PHACTR1: variants seen among roughly 807,000 people sequenced by gnomAD.
PHACTR1 encodes RPEL repeat containing 1.
Under a neutral mutation model 69.2 loss-of-function variants are expected in PHACTR1, and 16 were observed. That is an observed-to-expected ratio of 0.23 (90% CI 0.16 to 0.35). The LOEUF (loss-of-function observed/expected upper bound fraction) is 0.35. PHACTR1 is among the 10% of genes least tolerant of loss of function. PHACTR1 has a pLI of 1.00. For synonymous variants in PHACTR1, 312 were observed against 284.5 expected, an observed-to-expected ratio of 1.10 and a Z score of -0.97; for missense variants, 510 against 734.7, an observed-to-expected ratio of 0.69 and a Z score of 3.54.
intron 13 of PHACTR1, among the ~76,000 whole-genome samples, chr6:13,284,543 A>ATATAT (rs1307782343): frequency 4.9e-5 from 3 of 61,362 alleles, no homozygotes; most frequent in African/African-American, 1.1e-4. Context: ...AAAAAAAAAA[A>ATATAT]ATATATATAT....
At chr6:13,120,031 C>T (rs563881571) in intron 5 of PHACTR1, among the ~76,000 whole-genome samples, 6 of 152,262 alleles carry the variant, frequency 3.9e-5, no homozygotes, top group African/African-American at 1.4e-4. Context: ...GGTGAAGGGG[C>T]CCATGGACAC....
chr6:12,773,474 C>T (rs373514171), intron 4 of PHACTR1, among the ~76,000 whole-genome samples: 2 of 152,132 alleles, frequency 1.3e-5, no homozygotes, highest in South Asian at 2.1e-4. Context: ...AACAATGTAT[C>T]GCTTCCCTGA....
intron 4 of PHACTR1, among the ~76,000 whole-genome samples, chr6:12,961,560 A>G (rs1681955168): frequency 6.6e-6 from 1 of 152,238 alleles, no homozygotes; most frequent in Non-Finnish European, 1.5e-5. Flanking sequence ...AACCTAAAGT[A>G]CAAACTTGTG....
intron 4 of PHACTR1, among the ~76,000 whole-genome samples, chr6:13,008,915 C>G (rs535755227): frequency 3.3e-5 from 5 of 152,276 alleles, no homozygotes; most frequent in Middle Eastern, 3.4e-3. Context: ...CTTAAAACAA[C>G]AGATATTTAT....
At chr6:13,127,858 C>G (rs763350696) in intron 5 of PHACTR1, among the ~76,000 whole-genome samples, 1 of 151,974 alleles carries the variant, frequency 6.6e-6, no homozygotes, top group Non-Finnish European at 1.5e-5. Context: ...TCCATTCTCA[C>G]GCAGCTATAA....
chr6:12,802,905 A>C (rs1773879698), intron 4 of PHACTR1, among the ~76,000 whole-genome samples: 1 of 152,336 alleles, frequency 6.6e-6, no homozygotes, highest in African/African-American at 2.4e-5. Flanking sequence ...CCATTTTAAA[A>C]GAAAATCAAT....
At chr6:13,231,258 GAA>G (rs1771065238) in intron 10 of PHACTR1, among the ~76,000 whole-genome samples, 1 of 126,864 alleles carries the variant, frequency 7.9e-6, no homozygotes, top group Admixed American at 8.0e-5. Context: ...GAAAGAGAAA[GAA>G]AGAAGGAAAG....
intron 4 of PHACTR1, among the ~76,000 whole-genome samples, chr6:12,982,646 C>T (rs1795664171): frequency 6.6e-6 from 1 of 152,176 alleles, no homozygotes; most frequent in South Asian, 2.1e-4. Flanking sequence ...GAGCAAGACT[C>T]CATCTCAAAA....
rs1322942031 is a variant in PHACTR1 at position 13,206,001 on chromosome 6, A to G, written c.851A>G (p.Gln284Arg). Residue 284 changes from glutamine to arginine, a missense_variant, in exon 8 of 15, where the codon CAG (glutamine) becomes CGG (arginine). This residue lies in a region of PHACTR1 where 419 missense variants were observed against 530.9 expected (regional missense o/e 0.79). Transcript: ENST00000332995. ...CACACTGTCCTGCCCTCCCAGATCC[A>G]GCACCAGCTGCAGTACGGCAGCCAC... ...HHHTVLPSQI[Q>R]HQLQYGSHGQ... 6.2e-7 allele frequency: 1 copy of G among 1,613,988 alleles called. No individual in the cohort carries two copies. The highest frequency in any genetic ancestry group is 8.5e-7 in the Non-Finnish European group (1 of 1,179,880).
At chr6:12,754,128 A>ATTTTTTTT in intron 4 of PHACTR1, among the ~76,000 whole-genome samples, 1 of 112,426 alleles carries the variant, frequency 8.9e-6, no homozygotes, top group Non-Finnish European at 1.8e-5. Flanking sequence ...ACGCCTGGCT[A>ATTTTTTTT]TTTTTTTTTT....
intron 5 of PHACTR1, among the ~76,000 whole-genome samples, chr6:13,159,255 C>A (rs912059011): frequency 5.9e-5 from 9 of 152,216 alleles, no homozygotes; most frequent in African/African-American, 2.2e-4. Context: ...TTTGGCTGTT[C>A]CAGCTTGGAG....
Position 13,287,043 on chromosome 6 carries a change from G to A in PHACTR1, c.1728-20G>A, listed in dbSNP as rs760070047. 1 of 1,607,094 alleles carries A rather than the reference G, an allele frequency of 6.2e-7. No individual in the cohort carries two copies. The highest frequency in any genetic ancestry group is 8.5e-7 in the Non-Finnish European group (1 of 1,176,566). ...CCTTTGGCAGCCCCTTGGTCTTGAT[G>A]TAATTGTTTGTTTCCTTAGGTTTCA... On this transcript the variant is annotated intron_variant, in intron 14 of 14. Coordinates refer to ENST00000332995, the MANE Select transcript of PHACTR1 (RefSeq NM_030948.6).
chr6:13,280,719 T>C, intron 12 of PHACTR1: 1 of 329,070 alleles, frequency 3.0e-6, no homozygotes, highest in Non-Finnish European at 6.0e-6. Context: ...TTTGTCTTTT[T>C]AAAAAAGACA....
At chr6:12,802,836 A>G (rs1773869237) in intron 4 of PHACTR1, among the ~76,000 whole-genome samples, 1 of 152,204 alleles carries the variant, frequency 6.6e-6, no homozygotes. Flanking sequence ...TCTCGTCTCT[A>G]TCATTTTATT....
intron 4 of PHACTR1, among the ~76,000 whole-genome samples, chr6:12,832,882 A>C (rs1777740811): frequency 6.6e-6 from 1 of 152,204 alleles, no homozygotes; most frequent in Non-Finnish European, 1.5e-5. Flanking sequence ...GAGCCAAAAC[A>C]TTTGACTTCT....
At chr6:12,862,595 T>C (rs910183779) in intron 4 of PHACTR1, among the ~76,000 whole-genome samples, 3 of 152,128 alleles carry the variant, frequency 2.0e-5, no homozygotes, top group African/African-American at 7.2e-5. Context: ...ATACAGCCAT[T>C]AAAAAGTTCA....
intron 4 of PHACTR1, among the ~76,000 whole-genome samples, chr6:12,757,113 A>C (rs1169111783): frequency 6.6e-6 from 1 of 152,242 alleles, no homozygotes; most frequent in Non-Finnish European, 1.5e-5. Flanking sequence ...AGGGTACGGC[A>C]TATGGGAGCA....
intron 5 of PHACTR1, among the ~76,000 whole-genome samples, chr6:13,074,923 G>A (rs557523029): frequency 5.9e-5 from 9 of 152,280 alleles, no homozygotes; most frequent in Non-Finnish European, 1.0e-4. Context: ...CATTTGAAGG[G>A]ATAGACTGTA....
At chr6:12,717,110 G>A (rs146181864) in intron 1 of PHACTR1, among the ~76,000 whole-genome samples, 98 of 152,146 alleles carry the variant, frequency 6.4e-4, no homozygotes, top group Admixed American at 1.5e-3. Flanking sequence ...CCTAGATGCC[G>A]GTGGCTGTTC....
Sources: allele counts gnomAD v4.1 joint callset (sites outside exome capture counted in the v4.1 genomes callset), GRCh38; gene constraint gnomAD v4.1.1; regional missense constraint gnomAD v4.1.1; transcripts MANE v1.5; gene names NCBI Gene and HGNC (gene_info 2026-07-23, HGNC 2026-07-21).